MVB12B: variants seen among roughly 807,000 people sequenced by gnomAD.
The protein encoded by MVB12B is multivesicular body subunit 12B, also known as ESCRT-I complex subunit MVB12B.
In MVB12B, 16 loss-of-function variants were observed where a neutral mutation model predicts 41.6. The observed-to-expected ratio is 0.38, with a 90% CI of 0.26 to 0.58. The LOEUF (loss-of-function observed/expected upper bound fraction) is 0.58, where lower values mean the gene tolerates loss of function less well. Among genes scored for constraint, MVB12B ranks in the 20% least tolerant of loss-of-function variants. MVB12B has a pLI of 0.62. For missense variants in MVB12B, 274 were observed against 380.2 expected (o/e 0.72, Z 2.32); for synonymous variants, 133 against 139.7 (o/e 0.95, Z 0.34).
At chr9:126,446,082 G>A (rs1448322863) in intron 7 of MVB12B, among the ~76,000 whole-genome samples, 1 of 152,052 alleles carries the variant, frequency 6.6e-6, no homozygotes, top group Non-Finnish European at 1.5e-5. Context: ...TAGATTTGGG[G>A]GAATTTGGAG....
chr9:126,395,836 G>A lies in MVB12B; in HGVS notation c.662+139G>A. On this transcript the variant is annotated intron_variant, in intron 6 of 9. Transcript: ENST00000361171. The surrounding 1 kb of genome is among the most constrained non-coding windows in gnomAD (Gnocchi z 4.9). The stretch of plus-strand genomic sequence containing the variant: ...TTGTAGAAGCAATATATCTTTAGAG[G>A]AGATTTTTAAAAATCCACTTGGAAA... 1 of 1,457,982 alleles carries A rather than the reference G, an allele frequency of 6.9e-7. No individual in the cohort carries two copies. The highest frequency in any genetic ancestry group is 1.5e-5 in the South Asian group (1 of 65,790). The allele number at this position is 1,457,982 out of a possible 1,614,324, so 90.3% of individuals were successfully genotyped here. A position where few individuals can be genotyped will look rare whatever the true frequency, so the allele number is the denominator to read the frequency against.
intron 2 of MVB12B, among the ~76,000 whole-genome samples, chr9:126,365,628 A>G (rs561357840): frequency 6.6e-5 from 10 of 152,180 alleles, no homozygotes; most frequent in Non-Finnish European, 1.5e-4. Flanking sequence ...GGCATGAAAC[A>G]CTGCACCCGG....
At position 126,389,051 on chromosome 9, in the gene MVB12B, G is replaced by T. The variant is rs1359092981; in HGVS notation, c.409+2393G>T. On this transcript the variant is annotated intron_variant, in intron 4 of 9. Transcript: ENST00000361171. This position sits in a 1 kb window ranked among gnomAD's most constrained non-coding sequence, Gnocchi z 4.4. ...AGTTCACTGAGGCTCTGTCCTGTCT[G>T]GGCTTGGGGCCCAGCTGCTGTGGGG... is the stretch of plus-strand genomic sequence containing the variant. 6.6e-6 allele frequency among the ~76,000 whole-genome samples: 1 copy of T among 152,202 alleles called. No homozygotes were observed.
chr9:126,401,936 TA>T (rs1181166639), intron 6 of MVB12B, among the ~76,000 whole-genome samples: 2 of 152,224 alleles, frequency 1.3e-5, no homozygotes, highest in Non-Finnish European at 2.9e-5. Context: ...ATGGCCCTTG[TA>T]CCCCAGATGA....
chr9:126,372,154 A>G (rs1352405112), intron 2 of MVB12B, among the ~76,000 whole-genome samples: 1 of 152,180 alleles, frequency 6.6e-6, no homozygotes, highest in East Asian at 1.9e-4. Context: ...TTTTGTGTCT[A>G]TCTTATTTTA....
At chr9:126,342,839 G>A (rs1205071720) in intron 2 of MVB12B, among the ~76,000 whole-genome samples, 4 of 152,230 alleles carry the variant, frequency 2.6e-5, no homozygotes, top group African/African-American at 4.8e-5. Context: ...AGTGCAAGGC[G>A]CTCTGTGGTG....
chr9:126,498,272 G>C (rs1035806939), intron 9 of MVB12B, among the ~76,000 whole-genome samples: 1 of 152,148 alleles, frequency 6.6e-6, no homozygotes, highest in African/African-American at 2.4e-5. Flanking sequence ...GAGCCGGGGG[G>C]GCTTGGAGAA....
intron 2 of MVB12B, among the ~76,000 whole-genome samples, chr9:126,377,928 T>G (rs944446860): frequency 6.6e-6 from 1 of 152,178 alleles, no homozygotes; most frequent in Non-Finnish European, 1.5e-5. Flanking sequence ...GTCTTTGGAG[T>G]GCTCATGCAC....
intron 7 of MVB12B, among the ~76,000 whole-genome samples, chr9:126,462,829 C>T (rs962791619): frequency 2.6e-5 from 4 of 152,222 alleles, no homozygotes; most frequent in Non-Finnish European, 4.4e-5. Flanking sequence ...GGCCGCCTCA[C>T]GCCCATTTCC....
chr9:126,430,465 G>A (rs1478674440), intron 7 of MVB12B, among the ~76,000 whole-genome samples: 1 of 152,110 alleles, frequency 6.6e-6, no homozygotes, highest in East Asian at 1.9e-4. Flanking sequence ...CTCTCCCGCT[G>A]CTGATGCTCT....
intron 2 of MVB12B, among the ~76,000 whole-genome samples, chr9:126,365,687 A>G (rs372222023): frequency 1.1e-4 from 17 of 152,174 alleles, no homozygotes; most frequent in African/African-American, 1.9e-4. Context: ...ATACCTTTCT[A>G]TTGTTTCTCT....
rs749067765 is a variant in MVB12B, at chr9:126,473,131, C to T, written c.758-8238C>T. 1.2e-4 allele frequency among the ~76,000 whole-genome samples: 18 copies of T among 152,112 alleles called. No homozygotes were observed. The highest frequency in any genetic ancestry group is 1.9e-4 in the Non-Finnish European group (13 of 68,034). The stretch of plus-strand genomic sequence containing the variant: ...GTCGTCTTATTTCATTTTTCTTCAC[C>T]CTCACCACAGCCCGCAGAGGCAGCT... On this transcript the variant is annotated intron_variant, in intron 7 of 9. Transcript: ENST00000361171. This position sits in a 1 kb window ranked among gnomAD's most constrained non-coding sequence, Gnocchi z 4.0.
In MVB12B at chr9:126,349,128, A is replaced by G. The variant is rs1829679302; in HGVS notation, c.204+8498A>G. Reference sequence around the variant, plus strand: ...CAGGGAGAAACGAGCCAGGAAGGGCAGTGTCAAGCAGGGTGAGCACAGTTA... The same window carrying G: ...CAGGGAGAAACGAGCCAGGAAGGGCGGTGTCAAGCAGGGTGAGCACAGTTA... On this transcript the variant is annotated intron_variant, in intron 2 of 9. Transcript: ENST00000361171. 2.6e-5 allele frequency among the ~76,000 whole-genome samples: 4 copies of G among 152,238 alleles called. 1 individual carries two copies. The South Asian group carries it at 8.3e-4, about 32-fold the overall frequency.
At chr9:126,343,547 T>G (rs1189736736) in intron 2 of MVB12B, among the ~76,000 whole-genome samples, 1 of 152,250 alleles carries the variant, frequency 6.6e-6, no homozygotes, top group Admixed American at 6.5e-5. Flanking sequence ...AGCTGGACAT[T>G]ACTGAGAATC....
rs143369327 is a variant in MVB12B at position 126,455,156 on chromosome 9, ATTTATTTTAT to A, written c.758-26199_758-26190del. Among the ~76,000 whole-genome samples the A allele has an allele frequency of 4.2e-3, 642 of 152,120 alleles. 4 individuals are homozygous for A. The highest frequency in any genetic ancestry group is 0.015 in the African/African-American group (607 of 41,496). ...GACCCTGCGAGCTGGCTAGAGGTGA[ATTTATTTTAT>A]TTTATTTTATTTTTTATTTTATTTT... On this transcript the variant is annotated intron_variant, in intron 7 of 9. Transcript: ENST00000361171.
intron 7 of MVB12B, among the ~76,000 whole-genome samples, chr9:126,455,959 C>T (rs1832975075): frequency 7.8e-6 from 1 of 128,290 alleles, no homozygotes; most frequent in Non-Finnish European, 1.5e-5. Context: ...GGTGTGATAT[C>T]GGCTCACTGC....
chr9:126,500,373 A>G (rs984924184), intron 9 of MVB12B, among the ~76,000 whole-genome samples: 1 of 151,990 alleles, frequency 6.6e-6, no homozygotes, highest in East Asian at 1.9e-4. Flanking sequence ...CCTCCAAGCC[A>G]TGTCCCACCC....
chr9:126,365,388 A>G lies in MVB12B; in HGVS notation c.205-15676A>G, dbSNP rs1448149263. On this transcript the variant is annotated intron_variant, in intron 2 of 9. Transcript: ENST00000361171. ...CGCTCTGTTGCCCAGGCTGGAGTGC[A>G]ATGGTGCAATCTTAGCTCACTGCAA... is the stretch of plus-strand genomic sequence containing the variant. 2.1e-5 allele frequency among the ~76,000 whole-genome samples: 3 copies of G among 144,426 alleles called. No individual in the cohort carries two copies. In the East Asian group the frequency reaches 6.0e-4, roughly 29 times the overall value. 94.7% of individuals were successfully genotyped at this position (144,426 alleles called of 152,430 possible).
At chr9:126,394,806 G>C (rs1160556294) in intron 5 of MVB12B, among the ~76,000 whole-genome samples, 1 of 152,202 alleles carries the variant, frequency 6.6e-6, no homozygotes, top group Non-Finnish European at 1.5e-5. Context: ...TTTTTGAAGA[G>C]ATTATATTCC....
Sources: gnomAD v4.1 joint callset for allele counts (sites outside exome capture counted in the v4.1 genomes callset) on GRCh38, gnomAD v4.1.1 for gene constraint, Gnocchi (gnomAD v3.1) non-coding constraint, MANE v1.5 for transcripts, NCBI Gene and HGNC (gene_info 2026-07-23, HGNC 2026-07-21) for gene names.